The following BABAM2 variants were observed in gnomAD, a reference collection of about 807,000 sequenced individuals.
BABAM2 encodes the protein BRISC and BRCA1-A complex member 2.
A neutral mutation model predicts 54.7 loss-of-function variants in BABAM2; 31 were observed. The ratio of observed to expected loss-of-function variants is 0.57; its 90% confidence interval spans 0.43 to 0.77. The LOEUF (loss-of-function observed/expected upper bound fraction) is 0.77, where lower values mean the gene tolerates loss of function less well. BABAM2 is among the 30% of genes least tolerant of loss of function. The probability of loss-of-function intolerance (pLI) is 0.00; values close to 1 mark genes in which losing one functional copy is unlikely to be tolerated. For missense variants in BABAM2, 364 were observed against 455.8 expected, an observed-to-expected ratio of 0.80 and a Z score of 1.83; for synonymous variants, 167 against 162.9, an observed-to-expected ratio of 1.03 and a Z score of -0.19.
intron 2 of BABAM2, among the ~76,000 whole-genome samples, chr2:27,921,027 T>C (rs989443506): frequency 4.6e-5 from 7 of 152,202 alleles, no homozygotes; most frequent in Non-Finnish European, 8.8e-5. Flanking sequence ...CCTACTTTTA[T>C]TTTTTTATAG....
chr2:28,243,164 T>C (rs527276442), intron 9 of BABAM2, among the ~76,000 whole-genome samples: 1 of 152,356 alleles, frequency 6.6e-6, no homozygotes, highest in East Asian at 1.9e-4. Flanking sequence ...AAGGACTATA[T>C]ACTTGTCTTT....
chr2:28,175,976 G>A (rs997769218), intron 7 of BABAM2, among the ~76,000 whole-genome samples: 1 of 152,094 alleles, frequency 6.6e-6, no homozygotes, highest in African/African-American at 2.4e-5. Flanking sequence ...CACTGTTTAC[G>A]GCTGAAGAAA....
chr2:28,016,550 C>T (rs1350936497), intron 4 of BABAM2: 21 of 632,826 alleles, frequency 3.3e-5, no homozygotes, highest in South Asian at 9.4e-5. Context: ...GAAGCGGGCC[C>T]GCCGCAGGTG....
intron 7 of BABAM2, among the ~76,000 whole-genome samples, chr2:28,197,451 A>T (rs535240776): frequency 6.6e-6 from 1 of 152,212 alleles, no homozygotes; most frequent in South Asian, 2.1e-4. Context: ...CTACCTTTTA[A>T]AAGTACCAAA....
At chr2:28,301,128 T>C (rs12621972) in intron 11 of BABAM2, among the ~76,000 whole-genome samples, 40,779 of 152,124 alleles carry the variant, frequency 0.27, 6,188 homozygotes, top group East Asian at 0.64. Context: ...GTGAAAATAC[T>C]GTACGTACAC....
chr2:27,894,876 T>C lies in BABAM2; in HGVS notation c.128+192T>C. 3 of 587,868 alleles carry C rather than the reference T, an allele frequency of 5.1e-6. No individual in the cohort carries two copies. In the South Asian group the frequency reaches 8.1e-5, roughly 16 times the overall value. The allele number at this position is 587,868 out of a possible 1,614,324, so 36.4% of individuals were successfully genotyped here. ...ATGTTTCAGGTTATTTTATTTGTGTTGTGGACCATTGTTTTATGACTAGAA... is the reference window on the plus strand; with the variant it reads ...ATGTTTCAGGTTATTTTATTTGTGTCGTGGACCATTGTTTTATGACTAGAA... On this transcript the variant is annotated intron_variant, in intron 2 of 11. Transcript: ENST00000379624.
At chr2:27,985,952 T>G (rs1672367229) in intron 3 of BABAM2, among the ~76,000 whole-genome samples, 1 of 152,196 alleles carries the variant, frequency 6.6e-6, no homozygotes, top group African/African-American at 2.4e-5. Flanking sequence ...GAAGTAACAA[T>G]GATCTGTGTG....
chr2:28,085,166 C>G (rs542264648), intron 6 of BABAM2, among the ~76,000 whole-genome samples: 12 of 152,228 alleles, frequency 7.9e-5, no homozygotes, highest in African/African-American at 2.6e-4. Flanking sequence ...TTTTAAATAA[C>G]AAATTTCAGT....
At chr2:28,174,252 G>C (rs896075108) in intron 7 of BABAM2, among the ~76,000 whole-genome samples, 3 of 152,168 alleles carry the variant, frequency 2.0e-5, no homozygotes. Context: ...TTAAACAAAG[G>C]TGATATAGCA....
intron 11 of BABAM2, among the ~76,000 whole-genome samples, chr2:28,311,865 T>C (rs55769538): frequency 1.3e-5 from 2 of 152,190 alleles, no homozygotes; most frequent in Non-Finnish European, 2.9e-5. Context: ...GTGTACGTGA[T>C]GCCTTTTTGT....
intron 8 of BABAM2, among the ~76,000 whole-genome samples, chr2:28,241,000 T>C (rs1354744485): frequency 2.0e-5 from 3 of 152,122 alleles, no homozygotes; most frequent in East Asian, 3.9e-4. Context: ...CAGAGACCAA[T>C]TGCTAAATTT....
chr2:28,280,523 C>G (rs1471405104), intron 10 of BABAM2, among the ~76,000 whole-genome samples: 1 of 152,132 alleles, frequency 6.6e-6, no homozygotes, highest in Non-Finnish European at 1.5e-5. Flanking sequence ...TCTTAAACTG[C>G]TCTGCTCTTT....
intron 6 of BABAM2, among the ~76,000 whole-genome samples, chr2:28,069,265 A>G (rs879854915): frequency 2.6e-5 from 4 of 152,210 alleles, no homozygotes; most frequent in Non-Finnish European, 5.9e-5. Context: ...GAAATTATAC[A>G]ATATGTTGGA....
intron 3 of BABAM2, among the ~76,000 whole-genome samples, chr2:27,958,731 C>T (rs2148423597): frequency 6.6e-6 from 1 of 152,074 alleles, no homozygotes; most frequent in African/African-American, 2.4e-5. Flanking sequence ...CTAACAAATA[C>T]TCTTGTGAGG....
At chr2:27,982,941 C>G (rs1672129944) in intron 3 of BABAM2, among the ~76,000 whole-genome samples, 1 of 151,770 alleles carries the variant, frequency 6.6e-6, no homozygotes, top group Non-Finnish European at 1.5e-5. Flanking sequence ...GTTGCTTCTA[C>G]TCTTTGGCTA....
At chr2:28,184,263 C>CCTCTCT (rs757881813) in intron 7 of BABAM2, among the ~76,000 whole-genome samples, 12,572 of 59,130 alleles carry the variant, frequency 0.21, 1,647 homozygotes, top group South Asian at 0.39. Context: ...TCCCTCCCTC[C>CCTCTCT]CTCTCTCTCT....
intron 3 of BABAM2, among the ~76,000 whole-genome samples, chr2:27,955,453 G>A (rs1207713898): frequency 6.6e-6 from 1 of 152,174 alleles, no homozygotes; most frequent in Non-Finnish European, 1.5e-5. Flanking sequence ...AAATTCTAAA[G>A]TTACTAGGTA....
At position 27,915,510 on chromosome 2, in the gene BABAM2, G is replaced by A. The variant is rs1171124512; in HGVS notation, c.129-14322G>A. Among the ~76,000 whole-genome samples, 3 of 2,304 alleles carry A rather than the reference G, an allele frequency of 1.3e-3. No individual in the cohort carries two copies. In the Admixed American group the frequency reaches 0.027, roughly 21 times the overall value. The allele number at this position is 2,304 out of a possible 152,430, so 1.5% of individuals were successfully genotyped here. A position where few individuals can be genotyped will look rare whatever the true frequency, so the allele number is the denominator to read the frequency against. ...TTAGAATTTATAGTGTATAACAGTA[G>A]CATCTCAAGCGCAATCTAAGAACGA... On this transcript the variant is annotated intron_variant, in intron 2 of 11. Transcript: ENST00000379624.
chr2:28,050,904 G>T (rs946511259), intron 6 of BABAM2, among the ~76,000 whole-genome samples: 2 of 152,146 alleles, frequency 1.3e-5, no homozygotes, highest in Non-Finnish European at 2.9e-5. Context: ...TGGGAAGTAG[G>T]TAGTAATCTA....
Sources: gnomAD v4.1 joint callset for allele counts (sites outside exome capture counted in the v4.1 genomes callset) on GRCh38, gnomAD v4.1.1 for gene constraint, MANE v1.5 for transcripts, NCBI Gene and HGNC (gene_info 2026-07-23, HGNC 2026-07-21) for gene names.